CSMD1: variants seen among roughly 807,000 people sequenced by gnomAD.
The protein encoded by CSMD1 is CUB and Sushi multiple domains 1, also known as CUB and sushi domain-containing protein 1.
CSMD1 carries 213 observed loss-of-function variants against 417.5 expected under a neutral mutation model. The ratio of observed to expected loss-of-function variants is 0.51; its 90% confidence interval spans 0.46 to 0.57. The LOEUF (loss-of-function observed/expected upper bound fraction) is 0.57, where lower values mean the gene tolerates loss of function less well. Ranked by LOEUF, CSMD1 falls within the 20% of genes least tolerant of loss-of-function variation. The pLI is 0.00. For missense variants in CSMD1, 6,923 were observed against 4,529.7 expected, an observed-to-expected ratio of 1.53 and a Z score of -15.17; for synonymous variants, 2,862 against 1,736.8, an observed-to-expected ratio of 1.65 and a Z score of -16.11.
chr8:3,440,017 C>G (rs1315450837), intron 12 of CSMD1, among the ~76,000 whole-genome samples: 1 of 152,172 alleles, frequency 6.6e-6, no homozygotes, highest in East Asian at 1.9e-4. Flanking sequence ...ATCTCTGTGT[C>G]TGCCCTTCCA....
At chr8:3,407,268 T>C (rs56372721) in intron 14 of CSMD1, among the ~76,000 whole-genome samples, 8,685 of 150,916 alleles carry the variant, frequency 0.058, 319 homozygotes, top group East Asian at 0.17. Flanking sequence ...AGGATATGGA[T>C]TGATAGATGG....
chr8:3,073,491 C>T (rs532914446), intron 49 of CSMD1, among the ~76,000 whole-genome samples: 31 of 152,292 alleles, frequency 2.0e-4, no homozygotes, highest in African/African-American at 7.2e-4. Flanking sequence ...CAAATACTTA[C>T]ATGTATAAAT....
intron 3 of CSMD1, among the ~76,000 whole-genome samples, chr8:4,373,725 T>G (rs1419651329): frequency 6.6e-6 from 1 of 152,238 alleles, no homozygotes; most frequent in Non-Finnish European, 1.5e-5. Context: ...CATCTTTCCC[T>G]CCGGGGAAGG....
intron 1 of CSMD1, among the ~76,000 whole-genome samples, chr8:4,835,028 T>TG (rs1800392965): frequency 7.4e-6 from 1 of 134,934 alleles, no homozygotes; most frequent in Non-Finnish European, 1.6e-5. Flanking sequence ...ATCACAGTAT[T>TG]GGGGGAACAA....
chr8:4,620,135 C>G (rs928407823), intron 2 of CSMD1, among the ~76,000 whole-genome samples: 2 of 151,578 alleles, frequency 1.3e-5, no homozygotes, highest in East Asian at 1.9e-4. Flanking sequence ...ACATTTTTCC[C>G]TTTTTAAGAG....
At chr8:3,267,958 G>A (rs1801553626) in intron 26 of CSMD1, among the ~76,000 whole-genome samples, 2 of 152,094 alleles carry the variant, frequency 1.3e-5, no homozygotes, top group South Asian at 2.1e-4. Flanking sequence ...ATGCCAGAGG[G>A]GAACAGGATT....
intron 3 of CSMD1, among the ~76,000 whole-genome samples, chr8:4,368,932 A>C (rs757992304): frequency 3.3e-5 from 5 of 152,064 alleles, no homozygotes; most frequent in Non-Finnish European, 7.4e-5. Flanking sequence ...TCTTATATGG[A>C]TTTTAGCAGT....
intron 1 of CSMD1, among the ~76,000 whole-genome samples, chr8:4,914,991 T>C (rs554621517): frequency 2.0e-5 from 3 of 152,276 alleles, no homozygotes; most frequent in African/African-American, 7.2e-5. Flanking sequence ...TACCAGGCAA[T>C]AGCTACCGTA....
At chr8:3,183,718 G>A (rs1204740201) in intron 36 of CSMD1, among the ~76,000 whole-genome samples, 2 of 152,060 alleles carry the variant, frequency 1.3e-5, no homozygotes, top group Non-Finnish European at 2.9e-5. Context: ...TAATACCATT[G>A]GCATCCATCC....
At chr8:4,731,144 T>G (rs573622672) in intron 1 of CSMD1, among the ~76,000 whole-genome samples, 2 of 152,126 alleles carry the variant, frequency 1.3e-5, no homozygotes, top group African/African-American at 2.4e-5. Context: ...TGGCTTCGAG[T>G]AGCATTTAAC....
intron 5 of CSMD1, among the ~76,000 whole-genome samples, chr8:3,772,566 T>A (rs1306523692): frequency 1.5e-5 from 2 of 136,444 alleles, no homozygotes; most frequent in Non-Finnish European, 3.1e-5. Flanking sequence ...TATACATATA[T>A]ATACATATAT....
intron 51 of CSMD1, among the ~76,000 whole-genome samples, chr8:3,023,442 CTTGTGTAAAGACT>C (rs1424532101): frequency 5.9e-5 from 9 of 152,136 alleles, no homozygotes; most frequent in Non-Finnish European, 1.0e-4. Flanking sequence ...GAGCCTTCTA[CTTGTGTAAAGACT>C]TTGTGCTAGG....
chr8:4,648,158 G>C (rs1350570085), intron 1 of CSMD1, among the ~76,000 whole-genome samples: 1 of 152,190 alleles, frequency 6.6e-6, no homozygotes, highest in Admixed American at 6.5e-5. Context: ...GCGTTTCTCT[G>C]ATTATCAGTG....
chr8:4,759,191 T>A (rs1031072556), intron 1 of CSMD1, among the ~76,000 whole-genome samples: 4 of 152,144 alleles, frequency 2.6e-5, no homozygotes, highest in African/African-American at 9.7e-5. Flanking sequence ...GTTAGTGTTG[T>A]CTTGACTTGA....
At chr8:4,922,111 T>C (rs1806535898) in intron 1 of CSMD1, among the ~76,000 whole-genome samples, 2 of 152,196 alleles carry the variant, frequency 1.3e-5, no homozygotes, top group Admixed American at 1.3e-4. Context: ...GAAGTCACTC[T>C]GGTGAGATTA....
At chr8:4,433,983 C>G (rs993795833) in intron 2 of CSMD1, among the ~76,000 whole-genome samples, 8 of 152,112 alleles carry the variant, frequency 5.3e-5, no homozygotes, top group African/African-American at 1.9e-4. Flanking sequence ...GTGATTTTCT[C>G]TTCAGCCTCA....
intron 11 of CSMD1, among the ~76,000 whole-genome samples, chr8:3,492,573 G>C (rs907670319): frequency 2.6e-5 from 4 of 152,200 alleles, no homozygotes; most frequent in African/African-American, 4.8e-5. Context: ...TAAAAACAGA[G>C]AGGAAGTACA....
intron 2 of CSMD1, among the ~76,000 whole-genome samples, chr8:4,623,730 G>C (rs967551326): frequency 3.9e-5 from 6 of 152,052 alleles, no homozygotes; most frequent in African/African-American, 1.5e-4. Context: ...GGCATATACA[G>C]ATGTGTGTGT....
At chr8:3,773,129 G>T (rs921629862) in intron 5 of CSMD1, among the ~76,000 whole-genome samples, 1 of 152,016 alleles carries the variant, frequency 6.6e-6, no homozygotes, top group Non-Finnish European at 1.5e-5. Context: ...TCATCTCTTC[G>T]CCAAGTCTCC....
Sources: gnomAD v4.1 joint callset for allele counts (sites outside exome capture counted in the v4.1 genomes callset) on GRCh38, gnomAD v4.1.1 for gene constraint, MANE v1.5 for transcripts, NCBI Gene and HGNC (gene_info 2026-07-23, HGNC 2026-07-21) for gene names.